CPED1: variants seen among roughly 807,000 people sequenced by gnomAD.
CPED1 encodes cadherin like and PC-esterase domain containing 1.
In CPED1, 114 loss-of-function variants were observed where a neutral mutation model predicts 128.2. The ratio of observed to expected loss-of-function variants is 0.89; its 90% CI spans 0.76 to 1.04. The LOEUF is 1.04. Ranked by LOEUF, CPED1 falls within the 50% of genes least tolerant of loss-of-function variation. The pLI, the probability that CPED1 is intolerant of heterozygous loss-of-function variation, is 0.00. For missense variants in CPED1, 1,211 were observed against 1,207.1 expected, an observed-to-expected ratio of 1.00 and a Z score of -0.05; for synonymous variants, 462 against 426.7, an observed-to-expected ratio of 1.08 and a Z score of -1.02.
intron 16 of CPED1, among the ~76,000 whole-genome samples, chr7:121,186,332 T>C (rs549163546): frequency 2.0e-5 from 3 of 152,180 alleles, no homozygotes; most frequent in Non-Finnish European, 4.4e-5. Flanking sequence ...TCCATAACTT[T>C]AAAATTTTAT....
chr7:121,251,267 C>T (rs564632682), intron 18 of CPED1, among the ~76,000 whole-genome samples: 24 of 152,052 alleles, frequency 1.6e-4, no homozygotes, highest in Admixed American at 2.0e-4. Context: ...ATTCAACAAC[C>T]CTTCATGCTA....
chr7:121,289,891 T>C (rs1224210996), intron 22 of CPED1, among the ~76,000 whole-genome samples: 8 of 152,214 alleles, frequency 5.3e-5, no homozygotes, highest in Non-Finnish European at 1.2e-4. Context: ...TGTGTCATGG[T>C]GGTTTGCTGC....
At chr7:121,255,015 TC>T (rs748789356) in intron 18 of CPED1, among the ~76,000 whole-genome samples, 21 of 151,796 alleles carry the variant, frequency 1.4e-4, no homozygotes, top group Admixed American at 6.6e-5. Flanking sequence ...ACTGAAACTA[TC>T]CCAAAAAATC....
intron 7 of CPED1, among the ~76,000 whole-genome samples, chr7:121,114,125 C>T (rs998280857): frequency 3.3e-5 from 5 of 152,218 alleles, no homozygotes; most frequent in East Asian, 1.9e-4. Flanking sequence ...CCACCACGCC[C>T]GGCCTTATTT....
Position 121,015,826 on chromosome 7 carries a change from AGGGCCG to A in CPED1, c.416_421del (p.Pro139_Gly140del). The A allele has an allele frequency of 6.4e-7, 1 of 1,572,192 alleles. No homozygotes were observed. ...CTGAAGAAAGGCTCAATGCTGGCCT[AGGGCCG>A]GGGCTACTAGAACAAGGTCAGAATA... On this transcript the variant is annotated inframe_deletion, in exon 3 of 23. Coordinates refer to ENST00000310396, the MANE Select transcript of CPED1 (RefSeq NM_024913.5).
At chr7:121,009,226 T>G (rs1296266835) in intron 2 of CPED1, among the ~76,000 whole-genome samples, 1 of 152,014 alleles carries the variant, frequency 6.6e-6, no homozygotes, top group Non-Finnish European at 1.5e-5. Flanking sequence ...GCAAGGAAAT[T>G]TAATATATTA....
At chr7:121,206,996 A>AT (rs1261565577) in intron 16 of CPED1, among the ~76,000 whole-genome samples, 1 of 152,040 alleles carries the variant, frequency 6.6e-6, no homozygotes, top group Non-Finnish European at 1.5e-5. Flanking sequence ...AAATGAAACA[A>AT]TGCTGTAATA....
At position 121,064,326 on chromosome 7, in the gene CPED1, T is replaced by G; in HGVS notation, c.616+13T>G. ...AGAAGATTCCCAGGTAATCTTTCGTTTGCTTCCTTAGGCTTAAACATGTGA... is the reference window on the plus strand; with the variant it reads ...AGAAGATTCCCAGGTAATCTTTCGTGTGCTTCCTTAGGCTTAAACATGTGA... On this transcript the variant is annotated intron_variant, in intron 5 of 22. Coordinates refer to ENST00000310396, the MANE Select transcript of CPED1 (RefSeq NM_024913.5). 1 of 1,597,586 alleles carries G rather than the reference T, an allele frequency of 6.3e-7. No individual in the cohort carries two copies.
chr7:121,254,516 A>G (rs1459570280), intron 18 of CPED1, among the ~76,000 whole-genome samples: 1 of 152,036 alleles, frequency 6.6e-6, no homozygotes, highest in Non-Finnish European at 1.5e-5. Flanking sequence ...AAAAGAGAAC[A>G]AACTAAGCCA....
chr7:121,127,247 A>G lies in CPED1; in HGVS notation c.1292A>G (p.Asp431Gly), dbSNP rs776266047. Residue 431 changes from aspartate to glycine, a missense_variant, in exon 10 of 23, where the codon GAT (aspartate) becomes GGT (glycine). Physicochemically the swap from Asp to Gly is moderately conservative, Grantham distance 94. Transcript: ENST00000310396. Reference sequence around the variant, plus strand: ...ATATTTCAGAGACTTTATAGATCAGATGTTTTCAAGGTAAGTGCATATTTG... The same window carrying G: ...ATATTTCAGAGACTTTATAGATCAGGTGTTTTCAAGGTAAGTGCATATTTG... ...SEIFQRLYRS[D>G]VFKGENYQKE... is the part of the protein sequence containing the mutation. 7.6e-6 allele frequency: 12 copies of G among 1,575,526 alleles called. No individual in the cohort carries two copies. The highest frequency in any genetic ancestry group is 2.3e-5 in the South Asian group (2 of 88,692).
At chr7:121,154,740 T>G (rs1796245050) in intron 16 of CPED1, among the ~76,000 whole-genome samples, 1 of 152,080 alleles carries the variant, frequency 6.6e-6, no homozygotes. Context: ...GAGACGGGGT[T>G]TCACCATGTT....
intron 16 of CPED1, among the ~76,000 whole-genome samples, chr7:121,165,820 C>T (rs1584562285): frequency 6.6e-6 from 1 of 152,260 alleles, no homozygotes; most frequent in East Asian, 1.9e-4. Context: ...AAAGATCAAG[C>T]ATTTCTTTTG....
At chr7:121,179,897 C>A (rs776170938) in intron 16 of CPED1, among the ~76,000 whole-genome samples, 1 of 151,950 alleles carries the variant, frequency 6.6e-6, no homozygotes, top group African/African-American at 2.4e-5. Context: ...ATTTATAATA[C>A]CTTGCAGTTT....
At position 121,170,609 on chromosome 7, in the gene CPED1, T is replaced by C. The variant is rs113627214; in HGVS notation, c.2055+28468T>C. ...GCTACAGTGCTGATTAAAATAGATA[T>C]CTTCCGTCTTCTCATGGAGCTCACA... On this transcript the variant is annotated intron_variant, in intron 16 of 22. Coordinates refer to ENST00000310396, the MANE Select transcript of CPED1 (RefSeq NM_024913.5). Among the ~76,000 whole-genome samples the C allele has an allele frequency of 1.3e-3, 194 of 152,266 alleles. 3 individuals carry two copies. Among genetic ancestry groups the C allele is most frequent in the African/African-American group, 4.5e-3 (185 of 41,552 alleles).
At chr7:121,119,320 C>G (rs1795328779) in intron 7 of CPED1, among the ~76,000 whole-genome samples, 4 of 150,378 alleles carry the variant, frequency 2.7e-5, no homozygotes, top group Non-Finnish European at 4.4e-5. Context: ...AGCTCCGCCT[C>G]CCGGGTTCAA....
chr7:121,170,941 T>C (rs958357045), intron 16 of CPED1, among the ~76,000 whole-genome samples: 2 of 151,800 alleles, frequency 1.3e-5, no homozygotes, highest in Non-Finnish European at 2.9e-5. Flanking sequence ...TCCCAGCTGC[T>C]TGGGAGGCTG....
chr7:121,273,251 GGT>G, intron 22 of CPED1, among the ~76,000 whole-genome samples: 1 of 151,944 alleles, frequency 6.6e-6, no homozygotes, highest in Non-Finnish European at 1.5e-5. Flanking sequence ...GGCCGAGTGT[GGT>G]AGCTCACACC....
At chr7:120,998,204 A>G (rs1796442767) in intron 2 of CPED1, among the ~76,000 whole-genome samples, 1 of 152,192 alleles carries the variant, frequency 6.6e-6, no homozygotes, top group South Asian at 2.1e-4. Context: ...TACGAGATTT[A>G]GTAAGCAAGC....
At chr7:121,067,115 TTC>T (rs1793848167) in intron 5 of CPED1, among the ~76,000 whole-genome samples, 1 of 31,682 alleles carries the variant, frequency 3.2e-5, no homozygotes, top group Non-Finnish European at 1.0e-4. Flanking sequence ...TGGTTTGCAT[TTC>T]TTTTTTTTTT....
Sources: gnomAD v4.1 joint callset for allele counts (sites outside exome capture counted in the v4.1 genomes callset) on GRCh38, gnomAD v4.1.1 for gene constraint, MANE v1.5 for transcripts, NCBI Gene and HGNC (gene_info 2026-07-23, HGNC 2026-07-21) for gene names.